PCDH15: variants seen among roughly 807,000 people sequenced by gnomAD.
PCDH15 encodes protocadherin-15.
PCDH15 carries 129 observed loss-of-function variants against 178.5 expected under a neutral mutation model. That is an observed-to-expected ratio of 0.72 (90% CI 0.63 to 0.84). The LOEUF is 0.84. PCDH15 is among the 40% of genes least tolerant of loss of function. The probability of loss-of-function intolerance (pLI) is 0.00; values close to 1 mark genes in which losing one functional copy is unlikely to be tolerated. For synonymous variants in PCDH15, 800 were observed against 732.0 expected (o/e 1.09, Z -1.50); for missense variants, 2,230 against 2,099.9 (o/e 1.06, Z -1.21).
intron 3 of PCDH15, among the ~76,000 whole-genome samples, chr10:54,870,213 A>G (rs1427928414): frequency 6.6e-6 from 1 of 152,192 alleles, no homozygotes; most frequent in East Asian, 1.9e-4. Context: ...GTAGTTGTTA[A>G]CATGCCTAGT....
At chr10:54,698,397 G>C (rs2095264095) in intron 1 of PCDH15, among the ~76,000 whole-genome samples, 1 of 152,094 alleles carries the variant, frequency 6.6e-6, no homozygotes, top group South Asian at 2.1e-4. Flanking sequence ...ATTTGCATCA[G>C]ATCTGCTCAA....
At chr10:54,407,024 A>G (rs1048844653) in intron 3 of PCDH15, among the ~76,000 whole-genome samples, 1 of 152,192 alleles carries the variant, frequency 6.6e-6, no homozygotes, top group Non-Finnish European at 1.5e-5. Flanking sequence ...ACTCTATGAC[A>G]ACTCAATAAC....
At chr10:54,139,796 A>AC (rs2043225038) in intron 14 of PCDH15, among the ~76,000 whole-genome samples, 2 of 152,180 alleles carry the variant, frequency 1.3e-5, no homozygotes, top group Admixed American at 6.5e-5. Flanking sequence ...GAAGAAAGAG[A>AC]TGTGTAAAAA....
chr10:54,790,926 A>G (rs1430245228), intron 1 of PCDH15, among the ~76,000 whole-genome samples: 1 of 151,916 alleles, frequency 6.6e-6, no homozygotes. Context: ...ATATAATTTT[A>G]AAAAAGCAAA....
chr10:55,393,568 T>G (rs1326947534), intron 2 of PCDH15, among the ~76,000 whole-genome samples: 1 of 152,156 alleles, frequency 6.6e-6, no homozygotes, highest in African/African-American at 2.4e-5. Flanking sequence ...AAGTTACCTA[T>G]GGGTCAACGT....
In PCDH15 at chr10:55,442,484, T is replaced by TTATATATATATA. The variant is rs1839216891; in HGVS notation, c.-156+185140_-156+185141insTATATATATATA. ...ATATATATATATTATATATATATTA[T>TTATATATATATA]ATATATATATATATATGTAAGCTGG... On this transcript the variant is annotated intron_variant, in intron 2 of 5. Coordinates refer to the PCDH15 transcript ENST00000613346. Among the ~76,000 whole-genome samples, 121 of 123,064 alleles carry TTATATATATATA rather than the reference T, an allele frequency of 9.8e-4. 1 individual carries two copies. The highest frequency in any genetic ancestry group is 3.9e-3 in the African/African-American group (115 of 29,408). 80.7% of individuals were successfully genotyped at this position (123,064 alleles called of 152,430 possible). A position where few individuals can be genotyped will look rare whatever the true frequency, so the allele number is the denominator to read the frequency against.
chr10:54,227,008 GC>G (rs767615557), intron 9 of PCDH15, among the ~76,000 whole-genome samples: 1 of 152,194 alleles, frequency 6.6e-6, no homozygotes, highest in South Asian at 2.1e-4. Flanking sequence ...CCTCCTGGCT[GC>G]TTTCATGGGC....
chr10:55,516,892 A>G (rs1157816954), intron 2 of PCDH15, among the ~76,000 whole-genome samples: 1 of 152,082 alleles, frequency 6.6e-6, no homozygotes, highest in Non-Finnish European at 1.5e-5. Context: ...CTGTAATTTT[A>G]TATCAGCTAA....
At chr10:53,823,368 A>AAAGAAGAT in intron 32 of PCDH15, 1 of 1,608,986 alleles carries the variant, frequency 6.2e-7, no homozygotes, top group South Asian at 1.1e-5. Flanking sequence ...ACTTGAAAGA[A>AAAGAAGAT]AAGAAGATAA....
intron 27 of PCDH15, among the ~76,000 whole-genome samples, chr10:53,859,896 C>G (rs2078989157): frequency 6.6e-6 from 1 of 152,094 alleles, no homozygotes; most frequent in Admixed American, 6.6e-5. Flanking sequence ...ATAAGCCTTC[C>G]TATCTTAGGG....
chr10:55,076,804 C>T, intron 2 of PCDH15, among the ~76,000 whole-genome samples: 1 of 119,958 alleles, frequency 8.3e-6, no homozygotes, highest in Non-Finnish European at 1.6e-5. Flanking sequence ...GAGTCTTGCT[C>T]TGTTGCCCAG....
chr10:53,868,365 T>G (rs1041283006), intron 26 of PCDH15, among the ~76,000 whole-genome samples: 1 of 152,064 alleles, frequency 6.6e-6, no homozygotes, highest in Non-Finnish European at 1.5e-5. Flanking sequence ...AATAACATCA[T>G]ACAAAAATAG....
At chr10:54,232,037 G>A (rs1269889266) in intron 9 of PCDH15, among the ~76,000 whole-genome samples, 1 of 152,110 alleles carries the variant, frequency 6.6e-6, no homozygotes, top group East Asian at 1.9e-4. Flanking sequence ...ATTTTGCAAT[G>A]TGAGAATGAC....
At chr10:54,690,938 C>T (rs2095110122) in intron 1 of PCDH15, among the ~76,000 whole-genome samples, 1 of 151,966 alleles carries the variant, frequency 6.6e-6, no homozygotes, top group African/African-American at 2.4e-5. Context: ...AGAGGAGTTC[C>T]TCTGAGCAGG....
chr10:54,601,410 T>C (rs556303699), intron 2 of PCDH15, among the ~76,000 whole-genome samples: 1 of 151,590 alleles, frequency 6.6e-6, no homozygotes, highest in South Asian at 2.1e-4. Context: ...AACAAAAAAA[T>C]ACTTGCAGCC....
intron 13 of PCDH15, among the ~76,000 whole-genome samples, chr10:54,174,396 A>G (rs2047211820): frequency 6.6e-6 from 1 of 151,752 alleles, no homozygotes; most frequent in African/African-American, 2.4e-5. Context: ...ATTGCCGGGC[A>G]TGGTGGTGGG....
chr10:53,848,669 A>G (rs1264123066), intron 28 of PCDH15, among the ~76,000 whole-genome samples: 1 of 151,946 alleles, frequency 6.6e-6, no homozygotes, highest in African/African-American at 2.4e-5. Context: ...TACCTGTATC[A>G]ATTATTTTTT....
intron 26 of PCDH15, among the ~76,000 whole-genome samples, chr10:53,884,302 C>T (rs7905801): frequency 0.64 from 97,218 of 152,000 alleles, 31,749 homozygotes; most frequent in Middle Eastern, 0.78. Flanking sequence ...TGACTCAGTG[C>T]CCTGCTCTGT....
At chr10:53,807,872 A>T (rs551485386) in intron 37 of PCDH15, among the ~76,000 whole-genome samples, 1 of 152,252 alleles carries the variant, frequency 6.6e-6, no homozygotes, top group African/African-American at 2.4e-5. Flanking sequence ...AATTCATTTG[A>T]CTTTTACCAA....
Sources: allele counts gnomAD v4.1 joint callset (sites outside exome capture counted in the v4.1 genomes callset), GRCh38; gene constraint gnomAD v4.1.1; transcripts MANE v1.5; gene names NCBI Gene and HGNC (gene_info 2026-07-23, HGNC 2026-07-21).